TFPI: variants seen among roughly 807,000 people sequenced by gnomAD.
The protein encoded by TFPI is anti-convertin.
A neutral mutation model predicts 34.6 loss-of-function variants in TFPI; 15 were observed. The ratio of observed to expected loss-of-function variants is 0.43; its 90% CI spans 0.29 to 0.67. TFPI has a LOEUF of 0.67. Ranked by LOEUF, TFPI falls within the 30% of genes least tolerant of loss-of-function variation. TFPI has a pLI of 0.15. For missense variants in TFPI, 301 were observed against 364.0 expected, an observed-to-expected ratio of 0.83 and a Z score of 1.41; for synonymous variants, 105 against 120.1, an observed-to-expected ratio of 0.87 and a Z score of 0.82.
At chr2:187,507,575 CT>C in intron 1 of TFPI, among the ~76,000 whole-genome samples, 1 of 152,050 alleles carries the variant, frequency 6.6e-6, no homozygotes, top group South Asian at 2.1e-4. Context: ...TGATGATGGG[CT>C]TTTTTTCATA....
intron 6 of TFPI, among the ~76,000 whole-genome samples, chr2:187,481,507 GGCAGA>G (rs1166253799): frequency 6.6e-6 from 1 of 151,968 alleles, no homozygotes. Context: ...TCTTGGCTGG[GGCAGA>G]TTCGAAATCA....
chr2:187,553,917 A>C (rs1689181929), intron 1 of TFPI, among the ~76,000 whole-genome samples: 1 of 152,246 alleles, frequency 6.6e-6, no homozygotes, highest in South Asian at 2.1e-4. Flanking sequence ...CAAATTATAA[A>C]AAAGCTACAT....
At chr2:187,478,141 C>G (rs541913135) in intron 6 of TFPI, among the ~76,000 whole-genome samples, 34 of 152,132 alleles carry the variant, frequency 2.2e-4, no homozygotes, top group Non-Finnish European at 4.6e-4. Context: ...AATCCCAGCA[C>G]TTTGGGTCAG....
intron 6 of TFPI, among the ~76,000 whole-genome samples, chr2:187,475,008 G>C (rs1692281632): frequency 6.6e-6 from 1 of 152,142 alleles, no homozygotes; most frequent in South Asian, 2.1e-4. Context: ...TTGTGACTCT[G>C]TTCTCCCGTA....
chr2:187,534,899 A>AT (rs1029996898), intron 1 of TFPI, among the ~76,000 whole-genome samples: 24 of 150,978 alleles, frequency 1.6e-4, no homozygotes, highest in Non-Finnish European at 3.1e-4. Context: ...GAAAGCAAAA[A>AT]AAAAAATAAA....
intron 1 of TFPI, among the ~76,000 whole-genome samples, chr2:187,528,712 A>G (rs1010429524): frequency 6.6e-6 from 1 of 152,204 alleles, no homozygotes; most frequent in Non-Finnish European, 1.5e-5. Context: ...TTAAAAGAAC[A>G]TTATCTTATG....
intron 1 of TFPI, among the ~76,000 whole-genome samples, chr2:187,546,240 G>T (rs1296268209): frequency 7.3e-5 from 11 of 149,942 alleles, no homozygotes; most frequent in Non-Finnish European, 1.6e-4. Flanking sequence ...CTCTAAAAAT[G>T]AATGGAATTA....
At chr2:187,486,485 C>T (rs543278176) in intron 4 of TFPI, among the ~76,000 whole-genome samples, 91 of 151,154 alleles carry the variant, frequency 6.0e-4, no homozygotes, top group African/African-American at 2.1e-3. Flanking sequence ...CTAATATGTA[C>T]CCACAAAAAT....
At chr2:187,478,871 G>A (rs1435649088) in intron 6 of TFPI, 3 of 1,332,682 alleles carry the variant, frequency 2.3e-6, no homozygotes, top group African/African-American at 2.9e-5. Flanking sequence ...TGTGGTCAAT[G>A]CTGAGGGTGG....
At chr2:187,467,643 T>C in intron 7 of TFPI, 110 bp downstream of exon 7, 1 of 1,012,238 alleles carries the variant, frequency 9.9e-7, no homozygotes, top group Non-Finnish European at 1.3e-6. Flanking sequence ...TTAGCTAGAT[T>C]ATACTTTCTT....
At chr2:187,515,076 G>T (rs1471238739) in intron 1 of TFPI, 1 of 152,212 alleles carries the variant, frequency 6.6e-6, no homozygotes. Context: ...TTTTGACCCA[G>T]ACCATGGGGC....
chr2:187,512,652 A>G (rs1251036792), intron 1 of TFPI, among the ~76,000 whole-genome samples: 1 of 152,214 alleles, frequency 6.6e-6, no homozygotes, highest in East Asian at 1.9e-4. Flanking sequence ...AAAAGTTAAC[A>G]GTGTAACATA....
intron 5 of TFPI, chr2:187,484,594 A>G (rs1693122580): frequency 3.9e-6 from 2 of 508,780 alleles, no homozygotes; most frequent in Non-Finnish European, 3.4e-6. Flanking sequence ...GAAGAATTAA[A>G]TAATGCAACA....
chr2:187,487,608 A>G (rs1048548036), intron 4 of TFPI, among the ~76,000 whole-genome samples: 12 of 151,478 alleles, frequency 7.9e-5, no homozygotes, highest in Non-Finnish European at 1.3e-4. Context: ...ATAACTGACA[A>G]TTGGACCAAA....
chr2:187,495,832 G>A (rs77391206), intron 3 of TFPI, among the ~76,000 whole-genome samples: 30 of 151,998 alleles, frequency 2.0e-4, no homozygotes, highest in East Asian at 1.2e-3. Context: ...CCAGCTCTAC[G>A]AACATGCTAT....
chr2:187,479,257 A>C (rs1228558543), intron 6 of TFPI, among the ~76,000 whole-genome samples: 1 of 152,028 alleles, frequency 6.6e-6, no homozygotes, highest in African/African-American at 2.4e-5. Context: ...ATTTTAGGCA[A>C]GTGGATGAAG....
At chr2:187,471,370 T>G (rs3771059) in intron 6 of TFPI, among the ~76,000 whole-genome samples, 50,147 of 151,926 alleles carry the variant, frequency 0.33, 8,645 homozygotes, top group African/African-American at 0.42. Context: ...TGTTTCCAAA[T>G]AGCAAATTTA....
At chr2:187,541,644 A>G (rs533527718) in intron 1 of TFPI, among the ~76,000 whole-genome samples, 1 of 152,164 alleles carries the variant, frequency 6.6e-6, no homozygotes, top group African/African-American at 2.4e-5. Flanking sequence ...TTTATTTAAC[A>G]AGTATATATA....
intron 6 of TFPI, among the ~76,000 whole-genome samples, chr2:187,471,579 G>C (rs550089797): frequency 6.6e-6 from 1 of 151,992 alleles, no homozygotes; most frequent in Non-Finnish European, 1.5e-5. Context: ...AATGCATTCT[G>C]TCTTGATTCT....
Sources: allele counts gnomAD v4.1 joint callset (sites outside exome capture counted in the v4.1 genomes callset), GRCh38; gene constraint gnomAD v4.1.1; transcripts MANE v1.5; gene names NCBI Gene and HGNC (gene_info 2026-07-23, HGNC 2026-07-21).